The following DNAH8 variants were observed in gnomAD, a reference collection of about 807,000 sequenced individuals.
The protein encoded by DNAH8 is axonemal beta dynein heavy chain 8.
DNAH8 carries 382 observed loss-of-function variants against 562.1 expected under a neutral mutation model. That is an observed-to-expected ratio of 0.68 (90% CI 0.63 to 0.74). The LOEUF (loss-of-function observed/expected upper bound fraction) is 0.74, where lower values mean the gene tolerates loss of function less well. Among genes scored for constraint, DNAH8 ranks in the 30% least tolerant of loss-of-function variants. DNAH8 has a pLI of 0.00. For synonymous variants in DNAH8, 1,881 were observed against 1,919.4 expected, an observed-to-expected ratio of 0.98 and a Z score of 0.52; for missense variants, 5,203 against 5,620.4, an observed-to-expected ratio of 0.93 and a Z score of 2.37.
At chr6:38,819,888 G>A (rs1772663241) in intron 26 of DNAH8, among the ~76,000 whole-genome samples, 1 of 151,958 alleles carries the variant, frequency 6.6e-6, no homozygotes, top group Admixed American at 6.6e-5. Flanking sequence ...AAACCATAAG[G>A]TATTTAACAA....
At chr6:38,861,778 C>T (rs953754592) in intron 43 of DNAH8, among the ~76,000 whole-genome samples, 3 of 152,138 alleles carry the variant, frequency 2.0e-5, no homozygotes, top group Non-Finnish European at 2.9e-5. Context: ...ATGATCCGCC[C>T]ACCTCAGCTT....
At position 38,948,432 on chromosome 6, in the gene DNAH8, C is replaced by T. The variant is rs368562728; in HGVS notation, c.12130-1020C>T. 1.3e-3 allele frequency among the ~76,000 whole-genome samples: 193 copies of T among 152,096 alleles called. 2 individuals are homozygous for T. The highest frequency in any genetic ancestry group is 4.1e-3 in the African/African-American group (172 of 41,484). On this transcript the variant is annotated intron_variant, in intron 80 of 92. Transcript: ENST00000327475. ...TGGCTCACAGCAACATCTGCCTCCT[C>T]GGTTCAAGTGATTCTCCTGCCTCAG...
intron 67 of DNAH8, 82 bp from the exon 68 acceptor site, chr6:38,915,119 T>A: frequency 8.4e-7 from 1 of 1,193,000 alleles, no homozygotes; most frequent in Non-Finnish European, 1.2e-6. Flanking sequence ...TTATGTTGAA[T>A]AAATATTTGC....
intron 91 of DNAH8, among the ~76,000 whole-genome samples, chr6:39,020,964 T>C (rs1766877229): frequency 6.6e-6 from 1 of 152,240 alleles, no homozygotes; most frequent in Non-Finnish European, 1.5e-5. Flanking sequence ...TTATAAGTAG[T>C]GCTGCAATAA....
Position 38,947,947 on chromosome 6 carries a change from C to T in DNAH8, c.12130-1505C>T, listed in dbSNP as rs201452720. On this transcript the variant is annotated intron_variant, in intron 80 of 92. Coordinates refer to ENST00000327475, the MANE Select transcript of DNAH8 (RefSeq NM_001206927.2). ...TATTTTAGTAGGGACGGAGTTCCAC[C>T]GTGTTGCCCAAGCTGGTCGCGAACT... Among the ~76,000 whole-genome samples, 26 of 152,246 alleles carry T rather than the reference C, an allele frequency of 1.7e-4. No individual in the cohort carries two copies. The East Asian group carries it at 4.1e-3, about 24-fold the overall frequency.
intron 69 of DNAH8, 44 bp from the exon 70 acceptor site, chr6:38,917,881 A>G: frequency 7.0e-7 from 1 of 1,429,820 alleles, no homozygotes; most frequent in Non-Finnish European, 9.6e-7. Flanking sequence ...TCAGGAAGAA[A>G]GTATTTTCTT....
At position 38,803,276 on chromosome 6, in the gene DNAH8, A is replaced by C; in HGVS notation, c.2999A>C (p.Glu1000Ala). The change falls in exon 22 of 93, where the codon GAA becomes GCA. Residue 1000 changes from glutamate (E) to alanine (A), a missense_variant. Transcript: ENST00000327475. ...ATATCAATATTTGAGCAGATTTATG[A>C]AGTGAAATACACTGGGAAAGTAGGA... The part of the protein sequence containing the change: ...ELISIFEQIY[E>A]VKYTGKVGKQ... 1.9e-6 allele frequency: 3 copies of C among 1,607,436 alleles called. No homozygotes were observed. Among genetic ancestry groups the C allele is most frequent in the Non-Finnish European group, 2.6e-6 (3 of 1,176,230 alleles).
At chr6:38,931,467 G>A (rs1441680618) in intron 75 of DNAH8, 1 of 155,390 alleles carries the variant, frequency 6.4e-6, no homozygotes, top group African/African-American at 2.4e-5. Context: ...AGCGGCTCCT[G>A]TACTACAAAC....
At chr6:38,837,206 C>T (rs1439538388) in intron 32 of DNAH8, among the ~76,000 whole-genome samples, 2 of 152,122 alleles carry the variant, frequency 1.3e-5, no homozygotes, top group African/African-American at 2.4e-5. Flanking sequence ...AATATACTAA[C>T]GTATCTGTCA....
chr6:38,853,901 A>G lies in DNAH8; in HGVS notation c.5733+554A>G, dbSNP rs141292255. On this transcript the variant is annotated intron_variant, in intron 41 of 92. Coordinates refer to ENST00000327475, the MANE Select transcript of DNAH8 (RefSeq NM_001206927.2). ...TACTACACTGAAAGTGAAAAACAGA[A>G]TGGTTGTGTGGGTACTCAAAGTACA... 7.8e-3 allele frequency among the ~76,000 whole-genome samples: 1,180 copies of G among 152,250 alleles called. 19 individuals carry two copies. Among genetic ancestry groups the G allele is most frequent in the African/African-American group, 0.026 (1,100 of 41,554 alleles).
At chr6:38,956,299 G>A (rs1762240267) in intron 82 of DNAH8, among the ~76,000 whole-genome samples, 3 of 152,162 alleles carry the variant, frequency 2.0e-5, no homozygotes, top group African/African-American at 7.2e-5. Flanking sequence ...TATCCTACCT[G>A]TGCAGGGATC....
rs1226430629 is a variant in DNAH8 at position 38,866,807 on chromosome 6, T to C, written c.6624T>C (p.Leu2208=). Reference sequence around the variant, plus strand: ...TTAAACTTGCAAGCTGTGGTTTTCTTGAAAATGTTATCTTGGCTCAAAAAT... The same window carrying C: ...TTAAACTTGCAAGCTGTGGTTTTCTCGAAAATGTTATCTTGGCTCAAAAAT... The part of the protein sequence containing the change: ...MRVKLASCGF[L]ENVILAQKFY... The change falls in exon 47 of 93, where the codon CTT becomes CTC. Residue 2208 remains leucine (L), a synonymous_variant. Transcript: ENST00000327475. 2.5e-6 allele frequency: 4 copies of C among 1,613,444 alleles called. No individual in the cohort carries two copies. Among genetic ancestry groups the C allele is most frequent in the Non-Finnish European group, 3.4e-6 (4 of 1,179,754 alleles).
chr6:38,883,761 G>A, intron 55 of DNAH8, 115 bp from the exon 56 acceptor site: 3 of 812,900 alleles, frequency 3.7e-6, no homozygotes, highest in African/African-American at 1.8e-5. Context: ...ATAATTATAT[G>A]TATACTTATT....
At chr6:38,887,833 C>CTT (rs538279493) in intron 57 of DNAH8, among the ~76,000 whole-genome samples, 93 of 120,854 alleles carry the variant, frequency 7.7e-4, no homozygotes, top group South Asian at 3.8e-3. Flanking sequence ...AAAGGGCAGA[C>CTT]TTTTTTTTTT....
rs1219418222 is a variant in DNAH8, at chr6:38,722,902, AGAGGCCCCGCGCCCTCCGACAGTG to A, written c.103_126del (p.Arg35_Pro42del). The A allele has an allele frequency of 3.1e-6, 5 of 1,612,304 alleles. No individual in the cohort carries two copies. Among genetic ancestry groups the A allele is most frequent in the Non-Finnish European group, 4.2e-6 (5 of 1,179,632 alleles). On this transcript the variant is annotated inframe_deletion, in exon 2 of 93. Transcript: ENST00000327475. The stretch of plus-strand genomic sequence containing the variant: ...CTGCCCCTCCCCGTTCAGAAGAGGA[AGAGGCCCCGCGCCCTCCGACAGTG>A]GAGGCCCCGGCAGAAGATGGTTTCT...
intron 68 of DNAH8, among the ~76,000 whole-genome samples, chr6:38,916,271 A>G (rs573278707): frequency 6.6e-6 from 1 of 152,246 alleles, no homozygotes; most frequent in South Asian, 2.1e-4. Context: ...TTACCTTTAA[A>G]CGTGCCTCCA....
chr6:38,726,488 C>A (rs1403859606), intron 3 of DNAH8, among the ~76,000 whole-genome samples: 1 of 152,134 alleles, frequency 6.6e-6, no homozygotes, highest in East Asian at 1.9e-4. Flanking sequence ...GACTTTGGGT[C>A]CATGTGGTTA....
At chr6:38,918,588 G>T (rs1781477740) in intron 70 of DNAH8, among the ~76,000 whole-genome samples, 1 of 152,138 alleles carries the variant, frequency 6.6e-6, no homozygotes, top group Non-Finnish European at 1.5e-5. Flanking sequence ...AAACCTAAAA[G>T]GTTGTTTACA....
intron 70 of DNAH8, among the ~76,000 whole-genome samples, chr6:38,919,911 G>A (rs1781577730): frequency 6.6e-6 from 1 of 152,040 alleles, no homozygotes; most frequent in Non-Finnish European, 1.5e-5. Context: ...GAAATTTAAG[G>A]AAATCGGAAT....
Sources: allele counts gnomAD v4.1 joint callset (sites outside exome capture counted in the v4.1 genomes callset), GRCh38; gene constraint gnomAD v4.1.1; transcripts MANE v1.5; gene names NCBI Gene and HGNC (gene_info 2026-07-23, HGNC 2026-07-21).